The following REC114 variants were observed in gnomAD, a reference collection of about 807,000 sequenced individuals.
REC114 encodes REC114 meiotic recombination protein.
REC114 carries 27 observed loss-of-function variants against 31.3 expected under a neutral mutation model. The ratio of observed to expected loss-of-function variants is 0.86; its 90% CI spans 0.64 to 1.19. REC114 has a LOEUF of 1.19. Ranked by LOEUF, REC114 falls within the 50% of genes most tolerant of loss-of-function variation. The pLI is 0.00. For missense variants in REC114, 344 were observed against 326.9 expected (o/e 1.05, Z -0.40); for synonymous variants, 134 against 127.7 (o/e 1.05, Z -0.33).
chr15:73,517,312 C>G (rs1203045829), intron 2 of REC114, among the ~76,000 whole-genome samples: 3 of 152,024 alleles, frequency 2.0e-5, no homozygotes, highest in Non-Finnish European at 4.4e-5. Flanking sequence ...AAAGGTATCT[C>G]TCAAACAAAG....
intron 2 of REC114, among the ~76,000 whole-genome samples, chr15:73,479,482 A>C (rs181328906): frequency 3.0e-4 from 45 of 152,202 alleles, no homozygotes; most frequent in Non-Finnish European, 4.4e-4. Context: ...TCAAATATAC[A>C]ATATAGTGCT....
At chr15:73,529,460 G>T (rs959025753) in intron 2 of REC114, among the ~76,000 whole-genome samples, 1 of 152,094 alleles carries the variant, frequency 6.6e-6, no homozygotes, top group African/African-American at 2.4e-5. Flanking sequence ...TTTAGAGATA[G>T]ATTCTGAAAT....
intron 2 of REC114, among the ~76,000 whole-genome samples, chr15:73,509,190 G>A (rs548817016): frequency 1.4e-4 from 21 of 152,106 alleles, no homozygotes; most frequent in African/African-American, 5.1e-4. Flanking sequence ...TTTCTCTGAT[G>A]GCCAGTGATG....
intron 1 of REC114, among the ~76,000 whole-genome samples, chr15:73,473,376 T>G (rs559155948): frequency 6.6e-6 from 1 of 150,488 alleles, no homozygotes; most frequent in African/African-American, 2.4e-5. Context: ...GCAACAAGAG[T>G]GAAACTCTGT....
At chr15:73,447,789 T>C (rs937883413) in intron 1 of REC114, among the ~76,000 whole-genome samples, 2 of 152,068 alleles carry the variant, frequency 1.3e-5, no homozygotes, top group African/African-American at 4.8e-5. Context: ...CCAACTGAGG[T>C]ACCTGGTTCA....
At chr15:73,454,621 C>T (rs1248703515) in intron 1 of REC114, among the ~76,000 whole-genome samples, 6 of 152,082 alleles carry the variant, frequency 3.9e-5, no homozygotes. Context: ...ACCCTGTATC[C>T]TGAGAAATGA....
intron 2 of REC114, among the ~76,000 whole-genome samples, chr15:73,531,774 C>T (rs1894086153): frequency 6.6e-6 from 1 of 152,242 alleles, no homozygotes; most frequent in East Asian, 1.9e-4. Flanking sequence ...CAGGGCACAG[C>T]ACCTCCTGCT....
chr15:73,481,178 A>G (rs1204407744), intron 2 of REC114, among the ~76,000 whole-genome samples: 1 of 152,212 alleles, frequency 6.6e-6, no homozygotes, highest in Non-Finnish European at 1.5e-5. Context: ...ATGTTTATGT[A>G]AAACTCAAAA....
intron 2 of REC114, among the ~76,000 whole-genome samples, chr15:73,528,488 T>G (rs1894034886): frequency 6.6e-6 from 1 of 152,230 alleles, no homozygotes. Context: ...AGTTACATAT[T>G]AAAACACACC....
At chr15:73,480,454 A>AT (rs1187290817) in intron 2 of REC114, among the ~76,000 whole-genome samples, 5 of 152,096 alleles carry the variant, frequency 3.3e-5, no homozygotes, top group Non-Finnish European at 7.4e-5. Context: ...TGTAAGTGTG[A>AT]TAAAAATAAG....
chr15:73,508,566 G>T (rs1893716647), intron 2 of REC114, among the ~76,000 whole-genome samples: 1 of 148,100 alleles, frequency 6.8e-6, no homozygotes, highest in Admixed American at 6.7e-5. Flanking sequence ...CTAGCATTAG[G>T]TATATCTCCC....
At chr15:73,555,503 C>G (rs888828942) in intron 4 of REC114, among the ~76,000 whole-genome samples, 11 of 152,142 alleles carry the variant, frequency 7.2e-5, no homozygotes, top group African/African-American at 2.7e-4. Context: ...TAGCATGGAC[C>G]TTAGAGCATC....
intron 2 of REC114, among the ~76,000 whole-genome samples, chr15:73,514,201 G>A (rs1213691870): frequency 2.6e-5 from 4 of 151,206 alleles, no homozygotes; most frequent in Non-Finnish European, 4.4e-5. Context: ...GGAGTGACCC[G>A]ATTTTCCAGG....
rs961294779 is a variant in REC114 at position 73,448,725 on chromosome 15, C to T, written c.159+5381C>T. Among the ~76,000 whole-genome samples the T allele has an allele frequency of 5.9e-5, 9 of 152,212 alleles. No homozygotes were observed. The South Asian group carries it at 1.5e-3, about 25-fold the overall frequency. On this transcript the variant is annotated intron_variant, in intron 1 of 5. Coordinates refer to ENST00000331090, the MANE Select transcript of REC114 (RefSeq NM_001042367.2). ...CTGGGAGACACCTCCCAGTAGGGGCCGACAGACACCTCATATAGGAGAGCT... is the reference window on the plus strand; with the variant it reads ...CTGGGAGACACCTCCCAGTAGGGGCTGACAGACACCTCATATAGGAGAGCT...
chr15:73,468,817 T>TC (rs1443755273), intron 1 of REC114, among the ~76,000 whole-genome samples: 1 of 152,104 alleles, frequency 6.6e-6, no homozygotes, highest in African/African-American at 2.4e-5. Context: ...ATTGAGGTGA[T>TC]CATATGGTTT....
rs529019456 is a variant in REC114, at chr15:73,462,948, C to G, written c.160-10884C>G. 2.0e-5 allele frequency among the ~76,000 whole-genome samples: 3 copies of G among 151,214 alleles called. No homozygotes were observed. The South Asian group carries it at 6.3e-4, about 32-fold the overall frequency. The stretch of plus-strand genomic sequence containing the variant: ...AGTCTAATTTCATCTACACCCTATC[C>G]ACTTCCTTCTCATCATGTTATTTTG... On this transcript the variant is annotated intron_variant, in intron 1 of 5. Transcript: ENST00000331090.
chr15:73,477,657 A>G (rs1401028868), intron 2 of REC114, among the ~76,000 whole-genome samples: 8 of 152,104 alleles, frequency 5.3e-5, no homozygotes. Flanking sequence ...GACTCAGGCG[A>G]TCCTCTCACC....
In REC114 at chr15:73,473,817, C is replaced by T. The variant is rs747011910; in HGVS notation, c.160-15C>T. 1.5e-5 allele frequency: 22 copies of T among 1,456,718 alleles called. No individual in the cohort carries two copies. In the East Asian group the frequency reaches 5.2e-4, roughly 34 times the overall value. 90.2% of individuals were successfully genotyped at this position (1,456,718 alleles called of 1,614,324 possible). ...GTATTATCTTTTACATATTTTTCTC[C>T]TTCTCCCTTTCAAGGTTTTTGATTC... is the stretch of plus-strand genomic sequence containing the variant. On this transcript the variant is annotated splice_polypyrimidine_tract_variant and intron_variant, in intron 1 of 5. Coordinates refer to ENST00000331090, the MANE Select transcript of REC114 (RefSeq NM_001042367.2).
At chr15:73,459,680 A>G (rs1567850802) in intron 1 of REC114, among the ~76,000 whole-genome samples, 1 of 152,206 alleles carries the variant, frequency 6.6e-6, no homozygotes, top group East Asian at 1.9e-4. Context: ...TAAGTTTTTT[A>G]TATGACTGGT....
Sources: allele counts gnomAD v4.1 joint callset (sites outside exome capture counted in the v4.1 genomes callset), GRCh38; gene constraint gnomAD v4.1.1; transcripts MANE v1.5; gene names NCBI Gene and HGNC (gene_info 2026-07-23, HGNC 2026-07-21).